The following THSD7B variants were observed in gnomAD, a reference collection of about 807,000 sequenced individuals.
THSD7B encodes the protein thrombospondin type-1 domain-containing protein 7B.
Under a neutral mutation model 213.6 loss-of-function variants are expected in THSD7B, and 138 were observed. The observed-to-expected ratio is 0.65, with a 90% CI of 0.56 to 0.74. The LOEUF is 0.74. THSD7B is among the 30% of genes least tolerant of loss of function. The pLI is 0.00. For synonymous variants in THSD7B, 742 were observed against 687.0 expected (o/e 1.08, Z -1.25); for missense variants, 1,931 against 1,991.5 (o/e 0.97, Z 0.58).
intron 15 of THSD7B, among the ~76,000 whole-genome samples, chr2:137,457,408 C>T (rs1330215946): frequency 6.6e-6 from 1 of 152,164 alleles, no homozygotes; most frequent in Admixed American, 6.5e-5. Context: ...TGCCCTTGGG[C>T]AGGGTTGTCA....
intron 2 of THSD7B, among the ~76,000 whole-genome samples, chr2:136,892,215 A>G (rs1030418651): frequency 6.6e-6 from 1 of 152,024 alleles, no homozygotes; most frequent in Non-Finnish European, 1.5e-5. Context: ...TGTTAGTTAC[A>G]ATTAAGTCTC....
intron 3 of THSD7B, among the ~76,000 whole-genome samples, chr2:137,094,638 C>T (rs1241959786): frequency 2.6e-5 from 4 of 151,982 alleles, no homozygotes; most frequent in African/African-American, 4.8e-5. Context: ...GTGGACCCAT[C>T]TTAGATGTGT....
intron 1 of THSD7B, among the ~76,000 whole-genome samples, chr2:136,779,198 A>ATGTGTGTGTGTGTG (rs199689020): frequency 1.5e-4 from 8 of 55,088 alleles, no homozygotes; most frequent in Non-Finnish European, 2.8e-4. Flanking sequence ...ATATATATAT[A>ATGTGTGTGTGTGTG]TGTGTGTGTG....
At chr2:137,530,240 A>G (rs952224731) in intron 15 of THSD7B, among the ~76,000 whole-genome samples, 2 of 152,006 alleles carry the variant, frequency 1.3e-5, no homozygotes, top group African/African-American at 4.8e-5. Context: ...TAACTGGAAA[A>G]TTGAACGTTT....
intron 7 of THSD7B, among the ~76,000 whole-genome samples, chr2:137,186,876 A>AT (rs1236921368): frequency 1.3e-5 from 2 of 151,854 alleles, no homozygotes; most frequent in Admixed American, 6.6e-5. Flanking sequence ...GTCATATCTG[A>AT]TTTTTTTCAG....
At chr2:137,245,933 G>A (rs1359674396) in intron 10 of THSD7B, among the ~76,000 whole-genome samples, 1 of 152,144 alleles carries the variant, frequency 6.6e-6, no homozygotes, top group East Asian at 1.9e-4. Flanking sequence ...AGACCGAAAT[G>A]GGGCCTGGAA....
chr2:136,906,020 A>C (rs1684154215), intron 2 of THSD7B, among the ~76,000 whole-genome samples: 1 of 152,206 alleles, frequency 6.6e-6, no homozygotes, highest in African/African-American at 2.4e-5. Context: ...AATAGTGAGA[A>C]ACACAGTCTC....
chr2:137,086,756 A>G (rs943619715), intron 3 of THSD7B, among the ~76,000 whole-genome samples: 3 of 152,226 alleles, frequency 2.0e-5, no homozygotes, highest in Non-Finnish European at 4.4e-5. Flanking sequence ...GCTCATGGTA[A>G]CCTGGAAAAC....
intron 3 of THSD7B, among the ~76,000 whole-genome samples, chr2:137,062,740 G>A (rs1687300644): frequency 6.6e-6 from 1 of 151,644 alleles, no homozygotes; most frequent in East Asian, 1.9e-4. Flanking sequence ...GGCTTATCTT[G>A]AATATTTTAT....
intron 14 of THSD7B, among the ~76,000 whole-genome samples, chr2:137,415,964 A>T (rs1686789017): frequency 6.6e-6 from 1 of 152,168 alleles, no homozygotes. Context: ...TCGATTATAA[A>T]GTTCCAGGAG....
intron 3 of THSD7B, among the ~76,000 whole-genome samples, chr2:137,075,163 T>C (rs1687592285): frequency 6.6e-6 from 1 of 152,240 alleles, no homozygotes; most frequent in South Asian, 2.1e-4. Context: ...GTCTCCTAGA[T>C]AATATCCTGC....
At chr2:137,641,990 T>G (rs1014256235) in intron 20 of THSD7B, among the ~76,000 whole-genome samples, 1 of 152,184 alleles carries the variant, frequency 6.6e-6, no homozygotes, top group Non-Finnish European at 1.5e-5. Context: ...TTACCTTACT[T>G]GCTCATGTTT....
At chr2:136,951,698 T>G (rs1316007313) in intron 2 of THSD7B, among the ~76,000 whole-genome samples, 1 of 152,232 alleles carries the variant, frequency 6.6e-6, no homozygotes, top group Non-Finnish European at 1.5e-5. Context: ...TTTGATGGGC[T>G]TTTTAATTCA....
At chr2:137,121,665 A>G (rs1688549229) in intron 5 of THSD7B, among the ~76,000 whole-genome samples, 1 of 152,200 alleles carries the variant, frequency 6.6e-6, no homozygotes, top group African/African-American at 2.4e-5. Context: ...TTATTATAAT[A>G]GTCTTTGTCA....
At chr2:137,314,959 T>C (rs1233161964) in intron 12 of THSD7B, among the ~76,000 whole-genome samples, 1 of 152,238 alleles carries the variant, frequency 6.6e-6, no homozygotes, top group East Asian at 1.9e-4. Flanking sequence ...GTTGTCTTTT[T>C]GTTTGTCTGT....
At chr2:136,906,595 T>G (rs1175812276) in intron 2 of THSD7B, 2 of 152,168 alleles carry the variant, frequency 1.3e-5, no homozygotes, top group African/African-American at 4.8e-5. Context: ...AAATAGTGAT[T>G]TGGTATATTG....
chr2:136,940,585 T>C (rs1684803634), intron 2 of THSD7B, among the ~76,000 whole-genome samples: 1 of 151,696 alleles, frequency 6.6e-6, no homozygotes, highest in Non-Finnish European at 1.5e-5. Flanking sequence ...AGAGACAGGG[T>C]TTCACCATGT....
intron 14 of THSD7B, among the ~76,000 whole-genome samples, chr2:137,421,559 G>A (rs1686926478): frequency 6.6e-6 from 1 of 152,136 alleles, no homozygotes; most frequent in Non-Finnish European, 1.5e-5. Context: ...TGCTCTCCCT[G>A]GGCACACCAC....
intron 12 of THSD7B, among the ~76,000 whole-genome samples, chr2:137,285,642 T>C (rs2104825341): frequency 6.6e-6 from 1 of 151,810 alleles, no homozygotes; most frequent in East Asian, 1.9e-4. Flanking sequence ...ATAATGGAGA[T>C]CTAAAGTCTT....
Sources: gnomAD v4.1 joint callset for allele counts (sites outside exome capture counted in the v4.1 genomes callset) on GRCh38, gnomAD v4.1.1 for gene constraint, MANE v1.5 for transcripts, NCBI Gene and HGNC (gene_info 2026-07-23, HGNC 2026-07-21) for gene names.